KDM1B: variants seen among roughly 807,000 people sequenced by gnomAD.
KDM1B encodes the protein lysine-specific histone demethylase 2.
KDM1B carries 63 observed loss-of-function variants against 107.4 expected under a neutral mutation model. The observed-to-expected ratio is 0.59, with a 90% CI of 0.48 to 0.72. The LOEUF (loss-of-function observed/expected upper bound fraction) is 0.72. Among genes scored for constraint, KDM1B ranks in the 30% least tolerant of loss-of-function variants. KDM1B has a pLI of 0.00. For synonymous variants in KDM1B, 363 were observed against 363.9 expected, an observed-to-expected ratio of 1.00 and a Z score of 0.03; for missense variants, 749 against 1,020.8, an observed-to-expected ratio of 0.73 and a Z score of 3.63.
At position 18,213,992 on chromosome 6, in the gene KDM1B, T is replaced by C. The variant is rs557695822; in HGVS notation, c.2109+211T>C. ...TGTCTTCTTAAAGTCCTCATGTTGC[T>C]CCCTGGGACATGAATTGGATGCTTG... On this transcript the variant is annotated intron_variant, in intron 19 of 21. Coordinates refer to ENST00000650836, the MANE Select transcript of KDM1B (RefSeq NM_001364614.2). The surrounding 1 kb of genome is among the most constrained non-coding windows in gnomAD (Gnocchi z 5.9). Among the ~76,000 whole-genome samples the C allele has an allele frequency of 6.6e-6, 1 of 152,268 alleles. No individual in the cohort carries two copies. Among genetic ancestry groups the C allele is most frequent in the African/African-American group, 2.4e-5 (1 of 41,558 alleles).
chr6:18,179,055 T>TA (rs1223713280), intron 7 of KDM1B, among the ~76,000 whole-genome samples: 2 of 152,238 alleles, frequency 1.3e-5, no homozygotes, highest in African/African-American at 4.8e-5. Flanking sequence ...TTTGTAGACA[T>TA]TCTTTATGAG....
chr6:18,218,360 C>G (rs1020694041), intron 21 of KDM1B, among the ~76,000 whole-genome samples: 1 of 152,040 alleles, frequency 6.6e-6, no homozygotes. Context: ...TGGCCTTAAG[C>G]AGTCTTCCCA....
Position 18,204,514 on chromosome 6 carries a change from C to T in KDM1B, c.1532-1023C>T, listed in dbSNP as rs1005054295. ...AAGAAAACACCACCAGAAAAAGAAA[C>T]GTGGAGTCTGTGATACATGTTTTGG... On this transcript the variant is annotated intron_variant, in intron 14 of 21. Transcript: ENST00000650836. This position sits in a 1 kb window ranked among gnomAD's most constrained non-coding sequence, Gnocchi z 4.9. Among the ~76,000 whole-genome samples the T allele has an allele frequency of 6.6e-6, 1 of 152,002 alleles. No homozygotes were observed.
Position 18,201,548 on chromosome 6 carries a change from A to C in KDM1B, c.1422A>C (p.Ile474=). 6.5e-7 allele frequency: 1 copy of C among 1,550,348 alleles called. No individual in the cohort carries two copies. The highest frequency in any genetic ancestry group is 1.2e-5 in the South Asian group (1 of 84,046). Residue 474 remains isoleucine (I), a synonymous_variant, in exon 14 of 22, where the codon ATA becomes ATC. Transcript: ENST00000650836. The surrounding 1 kb of genome is among the most constrained non-coding windows in gnomAD (Gnocchi z 4.3). ...RCDLIQEGGR[I]TDPTIDKRMD... is the part of the protein sequence containing the mutation. ...ACTTAATTCAGGAAGGTGGAAGAAT[A>C]ACTGACCCCACTATTGACAAGCGCA...
At chr6:18,180,499 A>T (rs1229680597) in intron 7 of KDM1B, among the ~76,000 whole-genome samples, 2 of 152,156 alleles carry the variant, frequency 1.3e-5, no homozygotes, top group Non-Finnish European at 2.9e-5. Flanking sequence ...TTTTTCAGAC[A>T]ATTTTTTAAG....
chr6:18,167,605 C>A (rs982668718), intron 6 of KDM1B, among the ~76,000 whole-genome samples: 1 of 151,760 alleles, frequency 6.6e-6, no homozygotes, highest in Non-Finnish European at 1.5e-5. Context: ...TCCCTAATAG[C>A]TGGGACTCTC....
rs1051540356 is a variant in KDM1B at position 18,215,199 on chromosome 6, A to G, written c.2232+70A>G. The G allele has an allele frequency of 4.0e-6, 6 of 1,518,438 alleles. No individual in the cohort carries two copies. In the East Asian group the frequency reaches 1.2e-4, roughly 29 times the overall value. 94.1% of individuals were successfully genotyped at this position (1,518,438 alleles called of 1,614,324 possible). A position where few individuals can be genotyped will look rare whatever the true frequency, so the allele number is the denominator to read the frequency against. ...CTATCCAGAGCAGGTGTGAAGCCCA[A>G]GCAGCCAGCGTCACTGAGAATCACA... On this transcript the variant is annotated intron_variant, in intron 20 of 21. Coordinates refer to ENST00000650836, the MANE Select transcript of KDM1B (RefSeq NM_001364614.2).
At chr6:18,198,953 G>GAGC (rs1448618415) in intron 12 of KDM1B, among the ~76,000 whole-genome samples, 1 of 136,842 alleles carries the variant, frequency 7.3e-6, no homozygotes, top group Non-Finnish European at 1.5e-5. Context: ...GAGATCGCTT[G>GAGC]AGCTCAGGAG....
Position 18,212,470 on chromosome 6 carries a change from GTTAA to G in KDM1B, c.1867-14_1867-11del, listed in dbSNP as rs781412726. 34 of 1,442,022 alleles carry G rather than the reference GTTAA, an allele frequency of 2.4e-5. No individual in the cohort carries two copies. Among genetic ancestry groups the G allele is most frequent in the Non-Finnish European group, 3.1e-5 (32 of 1,023,050 alleles). 89.3% of individuals were successfully genotyped at this position (1,442,022 alleles called of 1,614,324 possible). A position where few individuals can be genotyped will look rare whatever the true frequency, so the allele number is the denominator to read the frequency against. Reference sequence around the variant, plus strand: ...TTCTGTTGCTGTTTGTTTGTTAACTGTTAATTATTTTCCACAGGTATTAGTCACT... The same window carrying G: ...TTCTGTTGCTGTTTGTTTGTTAACTGTTATTTTCCACAGGTATTAGTCACT... On this transcript the variant is annotated splice_polypyrimidine_tract_variant and intron_variant, in intron 17 of 21. Transcript: ENST00000650836. The surrounding 1 kb of genome is among the most constrained non-coding windows in gnomAD (Gnocchi z 5.2).
chr6:18,177,302 A>C (rs950243136), intron 7 of KDM1B, among the ~76,000 whole-genome samples: 1 of 151,944 alleles, frequency 6.6e-6, no homozygotes, highest in African/African-American at 2.4e-5. Flanking sequence ...CAGTGGTGTC[A>C]GTTGTAATAT....
At position 18,155,573 on chromosome 6, in the gene KDM1B, T is replaced by TGGGA; in HGVS notation, c.-58+5_-58+8dup. 6.6e-6 allele frequency: 1 copy of TGGGA among 152,222 alleles called. No homozygotes were observed. Among genetic ancestry groups the TGGGA allele is most frequent in the African/African-American group, 2.4e-5 (1 of 41,300 alleles). The allele number at this position is 152,222 out of a possible 1,614,324, so 9.4% of individuals were successfully genotyped here. A position where few individuals can be genotyped will look rare whatever the true frequency, so the allele number is the denominator to read the frequency against. On this transcript the variant is annotated splice_region_variant and intron_variant, in intron 1 of 21. Transcript: ENST00000650836. This position sits in a 1 kb window ranked among gnomAD's most constrained non-coding sequence, Gnocchi z 6.2. The stretch of plus-strand genomic sequence containing the variant: ...GCACCGCCTCGCTGGCGCTCAGAGG[T>TGGGA]GGGAGGCTCCCCACTCCGGGGGCGT...
intron 16 of KDM1B, 26 bp downstream of exon 16, chr6:18,207,555 T>C (rs1300216868): frequency 1.2e-6 from 2 of 1,612,878 alleles, no homozygotes. Context: ...TGGGAGGCTC[T>C]GGCTCGCCTT....
chr6:18,204,697 G>A lies in KDM1B; in HGVS notation c.1532-840G>A, dbSNP rs947860135. Among the ~76,000 whole-genome samples, 3 of 151,964 alleles carry A rather than the reference G, an allele frequency of 2.0e-5. No individual in the cohort carries two copies. The highest frequency in any genetic ancestry group is 2.9e-5 in the Non-Finnish European group (2 of 68,032). On this transcript the variant is annotated intron_variant, in intron 14 of 21. Transcript: ENST00000650836. This position sits in a 1 kb window ranked among gnomAD's most constrained non-coding sequence, Gnocchi z 4.9. ...CTGTGTCCATATAGTTACAAGGTCC[G>A]GTTGAGTGGGACAGATAAGTAAGGG...
rs1343489222 is a variant in KDM1B at position 18,201,400 on chromosome 6, A to G, written c.1360-86A>G. The stretch of plus-strand genomic sequence containing the variant: ...GAGATATGAGACCATTTTCTCCATG[A>G]GAGCTCTGTCTGATTTTCAGCTTAG... On this transcript the variant is annotated intron_variant, in intron 13 of 21. Transcript: ENST00000650836. The surrounding 1 kb of genome is among the most constrained non-coding windows in gnomAD (Gnocchi z 4.3). 9 of 958,924 alleles carry G rather than the reference A, an allele frequency of 9.4e-6. No individual in the cohort carries two copies. Among genetic ancestry groups the G allele is most frequent in the African/African-American group, 1.7e-5 (1 of 60,210 alleles). 59.4% of individuals were successfully genotyped at this position (958,924 alleles called of 1,614,324 possible).
At position 18,160,001 on chromosome 6, in the gene KDM1B, T is replaced by C. The variant is rs1327352896; in HGVS notation, c.87+19T>C. The C allele has an allele frequency of 6.6e-7, 1 of 1,521,954 alleles. No homozygotes were observed. Among genetic ancestry groups the C allele is most frequent in the East Asian group, 2.3e-5 (1 of 44,210 alleles). The allele number at this position is 1,521,954 out of a possible 1,614,324, so 94.3% of individuals were successfully genotyped here. On this transcript the variant is annotated intron_variant, in intron 3 of 21. Transcript: ENST00000650836. Reference sequence around the variant, plus strand: ...TAGGCAGGTAGTGTTCATTTATTCATTCAACAAGCCTTTTTTGAGCATGCA... The same window carrying C: ...TAGGCAGGTAGTGTTCATTTATTCACTCAACAAGCCTTTTTTGAGCATGCA...
rs1276921850 is a variant in KDM1B at position 18,162,765 on chromosome 6, A to G, written c.216-70A>G. 4.6e-6 allele frequency: 4 copies of G among 875,702 alleles called. No homozygotes were observed. The highest frequency in any genetic ancestry group is 2.7e-5 in the South Asian group (2 of 73,224). The allele number at this position is 875,702 out of a possible 1,614,324, so 54.2% of individuals were successfully genotyped here. A position where few individuals can be genotyped will look rare whatever the true frequency, so the allele number is the denominator to read the frequency against. ...TGGGTTCATAGATGGTGCTTGCAAG[A>G]TGTTTTTTAAAAAATGGGAGGAGAA... On this transcript the variant is annotated intron_variant, in intron 4 of 21. Coordinates refer to ENST00000650836, the MANE Select transcript of KDM1B (RefSeq NM_001364614.2). The surrounding 1 kb of genome is among the most constrained non-coding windows in gnomAD (Gnocchi z 4.1).
chr6:18,198,517 C>T (rs1381528119), intron 12 of KDM1B, among the ~76,000 whole-genome samples: 1 of 151,674 alleles, frequency 6.6e-6, no homozygotes, highest in Non-Finnish European at 1.5e-5. Flanking sequence ...GTGCGAGCCA[C>T]TGTGCCCGGC....
At chr6:18,217,690 C>T in intron 20 of KDM1B, 43 bp from the exon 21 acceptor site, 1 of 1,574,672 alleles carries the variant, frequency 6.4e-7, no homozygotes, top group East Asian at 2.2e-5. Context: ...CCATCTACAT[C>T]CCTTCTTGAT....
intron 7 of KDM1B, among the ~76,000 whole-genome samples, chr6:18,175,797 T>C (rs1207218673): frequency 6.6e-6 from 1 of 152,232 alleles, no homozygotes; most frequent in African/African-American, 2.4e-5. Flanking sequence ...GGTTTATTTC[T>C]GGGTTCTCTA....
Sources: allele counts gnomAD v4.1 joint callset (sites outside exome capture counted in the v4.1 genomes callset), GRCh38; gene constraint gnomAD v4.1.1; non-coding constraint Gnocchi (gnomAD v3.1); transcripts MANE v1.5; gene names NCBI Gene and HGNC (gene_info 2026-07-23, HGNC 2026-07-21).